LPP: variants seen among roughly 807,000 people sequenced by gnomAD.
LPP encodes the protein lipoma-preferred partner.
A neutral mutation model predicts 60.4 loss-of-function variants in LPP; 38 were observed. The observed-to-expected ratio is 0.63, with a 90% CI of 0.49 to 0.83. The LOEUF is 0.83. Ranked by LOEUF, LPP falls within the 40% of genes least tolerant of loss-of-function variation. The pLI, the probability that LPP is intolerant of heterozygous loss-of-function variation, is 0.00. For missense variants in LPP, 902 were observed against 783.6 expected, an observed-to-expected ratio of 1.15 and a Z score of -1.80; for synonymous variants, 328 against 290.8, an observed-to-expected ratio of 1.13 and a Z score of -1.30.
intron 2 of LPP, among the ~76,000 whole-genome samples, chr3:188,265,870 G>GGTGTGT (rs55722565): frequency 0.056 from 8,083 of 143,348 alleles, 274 homozygotes; most frequent in Non-Finnish European, 0.062. Flanking sequence ...GGATTACTCT[G>GGTGTGT]GTGTGTGTGT....
chr3:188,463,590 T>A (rs773423899), intron 4 of LPP, among the ~76,000 whole-genome samples: 7 of 152,184 alleles, frequency 4.6e-5, no homozygotes, highest in Admixed American at 2.0e-4. Flanking sequence ...CTTTGCAATA[T>A]CTTCAAAAAG....
chr3:188,868,835 G>T lies in LPP; in HGVS notation c.1589+2457G>T, dbSNP rs894381213. Among the ~76,000 whole-genome samples the T allele has an allele frequency of 3.9e-5, 6 of 152,340 alleles. No homozygotes were observed. The East Asian group carries it at 1.2e-3, about 29-fold the overall frequency. Reference sequence around the variant, plus strand: ...AACTCACATTTATAAAGAACCCTCTGTGTGCCAATTGTTGCATTAAATGCT... The same window carrying T: ...AACTCACATTTATAAAGAACCCTCTTTGTGCCAATTGTTGCATTAAATGCT... On this transcript the variant is annotated intron_variant, in intron 10 of 11. Transcript: ENST00000617246.
chr3:188,755,983 T>G (rs1577363940), intron 8 of LPP, among the ~76,000 whole-genome samples: 1 of 152,144 alleles, frequency 6.6e-6, no homozygotes, highest in African/African-American at 2.4e-5. Flanking sequence ...AAATTCTAAC[T>G]CTTCAGATTA....
At chr3:188,357,969 C>T (rs931161028) in intron 3 of LPP, among the ~76,000 whole-genome samples, 1 of 152,048 alleles carries the variant, frequency 6.6e-6, no homozygotes, top group Non-Finnish European at 1.5e-5. Flanking sequence ...GCTCAATAAA[C>T]ATTATGAATG....
intron 3 of LPP, among the ~76,000 whole-genome samples, chr3:188,378,218 T>C (rs1775780798): frequency 6.6e-6 from 1 of 152,204 alleles, no homozygotes; most frequent in African/African-American, 2.4e-5. Context: ...GGAGAACCTC[T>C]ACTCTCTTCA....
Position 188,609,807 on chromosome 3 carries a change from C to T in LPP, c.1076C>T (p.Pro359Leu). 6.2e-7 allele frequency: 1 copy of T among 1,613,472 alleles called. No homozygotes were observed. Among genetic ancestry groups the T allele is most frequent in the Non-Finnish European group, 8.5e-7 (1 of 1,179,828 alleles). Residue 359 changes from proline (P) to leucine (L), a missense_variant, in exon 7 of 12, where the codon CCT (proline) becomes CTT (leucine). Transcript: ENST00000617246. This position sits in a 1 kb window ranked among gnomAD's most constrained non-coding sequence, Gnocchi z 6.9. Reference sequence around the variant, plus strand: ...CCCAAGAAGACCTATATCACAGATCCTGTTTCAGCCCCCTGTGCGCCACCA... The same window carrying T: ...CCCAAGAAGACCTATATCACAGATCTTGTTTCAGCCCCCTGTGCGCCACCA... The part of the protein sequence containing the change: ...TGPKKTYITD[P>L]VSAPCAPPLQ...
chr3:188,357,475 C>T (rs1199730048), intron 3 of LPP, among the ~76,000 whole-genome samples: 1 of 152,190 alleles, frequency 6.6e-6, no homozygotes, highest in Admixed American at 6.5e-5. Flanking sequence ...AAGACTTGAG[C>T]ACCCAGAAAC....
At chr3:188,553,558 T>C (rs1252780112) in intron 6 of LPP, among the ~76,000 whole-genome samples, 1 of 152,114 alleles carries the variant, frequency 6.6e-6, no homozygotes, top group African/African-American at 2.4e-5. Context: ...ATCTAGGAAA[T>C]CTAATGAAAG....
chr3:188,890,352 G>T lies in LPP; in HGVS notation c.*15873G>T, dbSNP rs960182711. The T allele has an allele frequency of 9.8e-6, 2 of 204,222 alleles. No homozygotes were observed. The highest frequency in any genetic ancestry group is 4.6e-5 in the African/African-American group (2 of 43,722). 12.7% of individuals were successfully genotyped at this position (204,222 alleles called of 1,614,324 possible). ...AAAATATAGGTTTCTCTTTTTTCTT[G>T]TATTCTTAGCAAATTGCATTTATTC... is the stretch of plus-strand genomic sequence containing the variant. On this transcript the variant is annotated 3_prime_UTR_variant, in exon 12 of 12. Coordinates refer to ENST00000617246, the MANE Select transcript of LPP (RefSeq NM_001375462.1).
At chr3:188,534,513 T>C (rs534872208) in intron 6 of LPP, among the ~76,000 whole-genome samples, 2 of 152,362 alleles carry the variant, frequency 1.3e-5, no homozygotes, top group Non-Finnish European at 2.9e-5. Context: ...TGTTTAAATA[T>C]CTATTTTGGT....
At chr3:188,251,180 A>C (rs966022501) in intron 2 of LPP, among the ~76,000 whole-genome samples, 1 of 140,294 alleles carries the variant, frequency 7.1e-6, no homozygotes, top group African/African-American at 2.7e-5. Context: ...TTCATAATTC[A>C]TTCTTGCTAT....
At chr3:188,335,773 G>A (rs747407139) in intron 2 of LPP, among the ~76,000 whole-genome samples, 11 of 152,048 alleles carry the variant, frequency 7.2e-5, no homozygotes, top group Non-Finnish European at 1.5e-4. Context: ...TCCTTTGGTG[G>A]TGTCATATTT....
intron 8 of LPP, among the ~76,000 whole-genome samples, chr3:188,718,071 T>C (rs977704219): frequency 6.6e-6 from 1 of 152,230 alleles, no homozygotes; most frequent in Non-Finnish European, 1.5e-5. Context: ...TCCTCCTGCC[T>C]CGGCCTCCCA....
chr3:188,475,006 C>T lies in LPP; in HGVS notation c.194-9586C>T, dbSNP rs535558041. Among the ~76,000 whole-genome samples, 28 of 152,282 alleles carry T rather than the reference C, an allele frequency of 1.8e-4. 1 individual carries two copies. In the Middle Eastern group the frequency reaches 0.014, roughly 74 times the overall value. On this transcript the variant is annotated intron_variant, in intron 4 of 11. Coordinates refer to ENST00000617246, the MANE Select transcript of LPP (RefSeq NM_001375462.1). Reference sequence around the variant, plus strand: ...GCTAGACTATTGTCTTAATTTCATACGATTTGAAATCCATTTAATGTTTTC... The same window carrying T: ...GCTAGACTATTGTCTTAATTTCATATGATTTGAAATCCATTTAATGTTTTC...
Position 188,579,883 on chromosome 3 carries a change from TGGG to T in LPP, c.430-29275_430-29273del, listed in dbSNP as rs1182216445. Among the ~76,000 whole-genome samples, 4 of 33,442 alleles carry T rather than the reference TGGG, an allele frequency of 1.2e-4. No individual in the cohort carries two copies. In the East Asian group the frequency reaches 3.1e-3, roughly 26 times the overall value. 21.9% of individuals were successfully genotyped at this position (33,442 alleles called of 152,430 possible). A position where few individuals can be genotyped will look rare whatever the true frequency, so the allele number is the denominator to read the frequency against. The stretch of plus-strand genomic sequence containing the variant: ...CACTCTCATTGGGGGTTGGGGGGGT[TGGG>T]GGTGGGCTGAGGTAGGAGGCTTGCT... On this transcript the variant is annotated intron_variant, in intron 6 of 11. Coordinates refer to ENST00000617246, the MANE Select transcript of LPP (RefSeq NM_001375462.1).
intron 4 of LPP, among the ~76,000 whole-genome samples, chr3:188,409,380 A>G (rs563981990): frequency 6.6e-6 from 1 of 152,344 alleles, no homozygotes; most frequent in East Asian, 1.9e-4. Context: ...TTAAAATAGA[A>G]GCTACATTTC....
intron 4 of LPP, among the ~76,000 whole-genome samples, chr3:188,410,830 G>A (rs1002447418): frequency 2.6e-5 from 4 of 151,930 alleles, no homozygotes; most frequent in African/African-American, 7.3e-5. Flanking sequence ...CTGAGATTTC[G>A]GTGTGCCCAT....
chr3:188,404,397 A>G (rs1482985306), intron 3 of LPP, among the ~76,000 whole-genome samples: 1 of 152,090 alleles, frequency 6.6e-6, no homozygotes, highest in Non-Finnish European at 1.5e-5. Flanking sequence ...GGTGTGCGCC[A>G]TTATATCCTG....
chr3:188,354,459 G>T (rs1766911993), intron 3 of LPP, among the ~76,000 whole-genome samples: 1 of 152,052 alleles, frequency 6.6e-6, no homozygotes, highest in African/African-American at 2.4e-5. Context: ...TGGCTTTATG[G>T]TTTTTAAAAT....
Sources: gnomAD v4.1 joint callset for allele counts (sites outside exome capture counted in the v4.1 genomes callset) on GRCh38, gnomAD v4.1.1 for gene constraint, Gnocchi (gnomAD v3.1) non-coding constraint, MANE v1.5 for transcripts, NCBI Gene and HGNC (gene_info 2026-07-23, HGNC 2026-07-21) for gene names.